The following EFCAB11 variants were observed in gnomAD, a reference collection of about 807,000 sequenced individuals.
EFCAB11 encodes the protein EF-hand calcium-binding domain-containing protein 11.
Under a neutral mutation model 23.0 loss-of-function variants are expected in EFCAB11, and 14 were observed. The ratio of observed to expected loss-of-function variants is 0.61; its 90% CI spans 0.40 to 0.95. The LOEUF (loss-of-function observed/expected upper bound fraction) is 0.95. Among genes scored for constraint, EFCAB11 ranks in the 40% least tolerant of loss-of-function variants. The probability of loss-of-function intolerance (pLI) is 0.00; values close to 1 mark genes in which losing one functional copy is unlikely to be tolerated. For missense variants in EFCAB11, 198 were observed against 195.8 expected (o/e 1.01, Z -0.07); for synonymous variants, 65 against 66.6 (o/e 0.98, Z 0.11).
chr14:89,853,341 G>A (rs896579450), intron 5 of EFCAB11, among the ~76,000 whole-genome samples: 1 of 152,194 alleles, frequency 6.6e-6, no homozygotes, highest in African/African-American at 2.4e-5. Flanking sequence ...GGTTAAGAAA[G>A]CTTCCTCTAC....
At chr14:89,803,414 C>T (rs1042952523) in intron 5 of EFCAB11, among the ~76,000 whole-genome samples, 19 of 152,158 alleles carry the variant, frequency 1.2e-4, no homozygotes, top group African/African-American at 4.6e-4. Flanking sequence ...TATCTGTGTT[C>T]CCAACAAACG....
Position 89,799,052 on chromosome 14 carries a change from G to C in EFCAB11, c.411-1728C>G, listed in dbSNP as rs546754236. The C allele has an allele frequency of 2.6e-5, 4 of 152,354 alleles. No individual in the cohort carries two copies. In the South Asian group the frequency reaches 8.3e-4, roughly 32 times the overall value. The allele number at this position is 152,354 out of a possible 1,614,324, so 9.4% of individuals were successfully genotyped here. On this transcript the variant is annotated intron_variant, in intron 5 of 5. Coordinates refer to ENST00000316738, the MANE Select transcript of EFCAB11 (RefSeq NM_145231.4). ...CATCCCCCTGCCTCGGCCTCCCAAA[G>C]TGCTGGGATTATAGGCATGAGCCAT...
intron 5 of EFCAB11, among the ~76,000 whole-genome samples, chr14:89,834,220 C>CA (rs1355997186): frequency 6.6e-6 from 1 of 151,234 alleles, no homozygotes; most frequent in Non-Finnish European, 1.5e-5. Context: ...ACTAAAAATA[C>CA]AAAAAATTAG....
rs148380504 is a variant in EFCAB11, at chr14:89,932,623, T to C, written c.222A>G (p.Ile74Met). ...CAATATTTAAAAACCCCTCGAGTAA[T>C]ATACCTAAAAGTTGGGGAAAAAACA... ...MSSINPNTSG[I>M]LLEGFLNIVR... Residue 74 changes from isoleucine to methionine, a missense_variant, in exon 4 of 6, where the codon ATA becomes ATG. Coordinates refer to ENST00000316738, the MANE Select transcript of EFCAB11 (RefSeq NM_145231.4). The C allele has an allele frequency of 1.9e-6, 3 of 1,612,152 alleles. No homozygotes were observed. Among genetic ancestry groups the C allele is most frequent in the Admixed American group, 1.7e-5 (1 of 59,924 alleles).
At chr14:89,887,619 A>G (rs1888832915) in intron 5 of EFCAB11, among the ~76,000 whole-genome samples, 1 of 152,238 alleles carries the variant, frequency 6.6e-6, no homozygotes, top group African/African-American at 2.4e-5. Context: ...ATAAATAACA[A>G]GGAATCCTTA....
At chr14:89,857,428 G>A (rs141738194) in intron 5 of EFCAB11, among the ~76,000 whole-genome samples, 6 of 152,262 alleles carry the variant, frequency 3.9e-5, no homozygotes, top group African/African-American at 1.2e-4. Context: ...GTAAAAACAC[G>A]GTTCCCGATG....
intron 3 of EFCAB11, among the ~76,000 whole-genome samples, chr14:89,945,617 T>C (rs1425918053): frequency 2.0e-5 from 3 of 152,238 alleles, no homozygotes; most frequent in East Asian, 3.8e-4. Context: ...GTACTTTAAA[T>C]GTATTGACAT....
Position 89,797,133 on chromosome 14 carries a change from T to G in EFCAB11, c.*110A>C, listed in dbSNP as rs1885600569. On this transcript the variant is annotated 3_prime_UTR_variant, in exon 6 of 6. Coordinates refer to ENST00000316738, the MANE Select transcript of EFCAB11 (RefSeq NM_145231.4). Reference sequence around the variant, plus strand: ...CTATGTACCCACAAAAATTAAAAATTTTTAAATGTTTAATCACAAGTCTGT... The same window carrying G: ...CTATGTACCCACAAAAATTAAAAATGTTTAAATGTTTAATCACAAGTCTGT... 4 of 1,044,404 alleles carry G rather than the reference T, an allele frequency of 3.8e-6. No individual in the cohort carries two copies. The allele number at this position is 1,044,404 out of a possible 1,614,324, so 64.7% of individuals were successfully genotyped here. A position where few individuals can be genotyped will look rare whatever the true frequency, so the allele number is the denominator to read the frequency against.
At chr14:89,840,289 C>G (rs1887218024) in intron 5 of EFCAB11, among the ~76,000 whole-genome samples, 3 of 152,144 alleles carry the variant, frequency 2.0e-5, no homozygotes, top group Admixed American at 2.0e-4. Flanking sequence ...ATTTTATAGA[C>G]TAGGCTTATA....
chr14:89,923,910 T>C, intron 5 of EFCAB11: 1 of 985,420 alleles, frequency 1.0e-6, no homozygotes, highest in South Asian at 4.7e-5. Flanking sequence ...GCAAATGACT[T>C]GAAAAAGTAA....
At chr14:89,910,217 G>A (rs1235917390) in intron 5 of EFCAB11, among the ~76,000 whole-genome samples, 2 of 152,188 alleles carry the variant, frequency 1.3e-5, no homozygotes, top group Non-Finnish European at 1.5e-5. Context: ...CAGTGATTAG[G>A]GGACAAAGAG....
intron 5 of EFCAB11, among the ~76,000 whole-genome samples, chr14:89,896,171 G>A (rs954232211): frequency 6.6e-6 from 1 of 152,170 alleles, no homozygotes; most frequent in Non-Finnish European, 1.5e-5. Context: ...GGACCACGAG[G>A]TCAGGAGATG....
At chr14:89,878,045 A>C (rs1888492987) in intron 5 of EFCAB11, among the ~76,000 whole-genome samples, 1 of 152,220 alleles carries the variant, frequency 6.6e-6, no homozygotes, top group African/African-American at 2.4e-5. Context: ...TTCCAACGCT[A>C]CAGAACGTTG....
chr14:89,948,537 T>C (rs371528314), intron 3 of EFCAB11, among the ~76,000 whole-genome samples: 1 of 152,250 alleles, frequency 6.6e-6, no homozygotes, highest in Non-Finnish European at 1.5e-5. Context: ...CATTCTCATA[T>C]ACTGTTTGTT....
chr14:89,910,598 AATACATACATACATACATACATAC>A (rs34931708), intron 5 of EFCAB11, among the ~76,000 whole-genome samples: 3 of 147,522 alleles, frequency 2.0e-5, no homozygotes, highest in African/African-American at 7.4e-5. Context: ...ATCTGTCTCA[AATACATACATACATACATACATAC>A]ATACATACAT....
chr14:89,857,425 C>A (rs573746513), intron 5 of EFCAB11, among the ~76,000 whole-genome samples: 2 of 152,326 alleles, frequency 1.3e-5, no homozygotes, highest in East Asian at 3.9e-4. Context: ...TATGTAAAAA[C>A]ACGGTTCCCG....
At chr14:89,954,495 AC>A (rs1234158096) in intron 1 of EFCAB11, 90 bp downstream of exon 1, 1 of 1,560,642 alleles carries the variant, frequency 6.4e-7, no homozygotes, top group Non-Finnish European at 8.7e-7. Flanking sequence ...TTATCTGCAC[AC>A]CCGGCAGAGT....
intron 3 of EFCAB11, among the ~76,000 whole-genome samples, chr14:89,939,863 G>A (rs1890732087): frequency 6.6e-6 from 1 of 151,946 alleles, no homozygotes; most frequent in Admixed American, 6.6e-5. Flanking sequence ...CTCAGCCTCT[G>A]GAGTAGCTGC....
rs868795812 is a variant in EFCAB11, at chr14:89,926,924, G to A, written c.410+4617C>T. Among the ~76,000 whole-genome samples the A allele has an allele frequency of 2.0e-5, 3 of 152,232 alleles. No homozygotes were observed. In the South Asian group the frequency reaches 6.2e-4, roughly 32 times the overall value. ...TAGAGCTATGACTAAAACAAAACAG[G>A]AGATTATGATTGCACAACAGAATGT... is the stretch of plus-strand genomic sequence containing the variant. On this transcript the variant is annotated intron_variant, in intron 5 of 5. Coordinates refer to ENST00000316738, the MANE Select transcript of EFCAB11 (RefSeq NM_145231.4).
Sources: allele counts gnomAD v4.1 joint callset (sites outside exome capture counted in the v4.1 genomes callset), GRCh38; gene constraint gnomAD v4.1.1; transcripts MANE v1.5; gene names NCBI Gene and HGNC (gene_info 2026-07-23, HGNC 2026-07-21).